The following KIF1C variants were observed in gnomAD, a reference collection of about 807,000 sequenced individuals.
The protein encoded by KIF1C is kinesin-like protein KIF1C.
In KIF1C, 61 loss-of-function variants were observed where a neutral mutation model predicts 126.5. The ratio of observed to expected loss-of-function variants is 0.48; its 90% CI spans 0.39 to 0.60. The LOEUF is 0.60. Among genes scored for constraint, KIF1C ranks in the 20% least tolerant of loss-of-function variants. KIF1C has a pLI of 0.00. For synonymous variants in KIF1C, 640 were observed against 580.6 expected (o/e 1.10, Z -1.47); for missense variants, 1,315 against 1,489.2 (o/e 0.88, Z 1.93).
At chr17:5,010,106 A>G (rs530349805) in intron 16 of KIF1C, among the ~76,000 whole-genome samples, 5 of 152,148 alleles carry the variant, frequency 3.3e-5, no homozygotes, top group African/African-American at 9.6e-5. Flanking sequence ...TTTGTATTTT[A>G]GTAGAGACAG....
intron 13 of KIF1C, among the ~76,000 whole-genome samples, chr17:5,006,659 G>A (rs1974741056): frequency 1.3e-5 from 2 of 152,136 alleles, no homozygotes; most frequent in Admixed American, 6.6e-5. Context: ...TTCTGATGGT[G>A]CAAATCATCT....
intron 16 of KIF1C, 112 bp from the exon 17 acceptor site, chr17:5,013,541 G>C: frequency 1.4e-6 from 1 of 728,086 alleles, no homozygotes; most frequent in South Asian, 1.5e-5. Context: ...GAGTGAGGGG[G>C]CGCAGCTGGC....
intron 11 of KIF1C, 94 bp from the exon 12 acceptor site, chr17:5,004,473 C>G (rs1974678245): frequency 1.7e-6 from 2 of 1,154,834 alleles, no homozygotes; most frequent in Admixed American, 1.7e-5. Context: ...CCTGTAAGAC[C>G]TCTGCCTGGG....
chr17:4,998,797 A>G (rs955648662), intron 1 of KIF1C, among the ~76,000 whole-genome samples: 1 of 152,100 alleles, frequency 6.6e-6, no homozygotes, highest in African/African-American at 2.4e-5. Context: ...CTGGGGCCAC[A>G]GGAGGGGGCT....
rs761602629 is a variant in KIF1C, at chr17:5,023,531, G to A, written c.2692G>A (p.Ala898Thr). The A allele has an allele frequency of 2.5e-6, 4 of 1,613,816 alleles. No homozygotes were observed. In the Admixed American group the frequency reaches 5.0e-5, roughly 20 times the overall value. The change falls in exon 23 of 23, where the codon GCA becomes ACA. Residue 898 changes from alanine to threonine, a missense_variant. By Grantham distance (58) the Ala-to-Thr change is moderately conservative. Coordinates refer to ENST00000320785, the MANE Select transcript of KIF1C (RefSeq NM_006612.6). This position sits in a 1 kb window ranked among gnomAD's most constrained non-coding sequence, Gnocchi z 4.2. Reference protein sequence around the residue: ...VPWAPPEGSEAAEEAAPSDRM... With the variant: ...VPWAPPEGSETAEEAAPSDRM... ...CTGGGCCCCGCCTGAAGGATCAGAGGCAGCAGAGGAGGCAGCCCCCAGTGA... is the reference window on the plus strand; with the variant it reads ...CTGGGCCCCGCCTGAAGGATCAGAGACAGCAGAGGAGGCAGCCCCCAGTGA...
chr17:5,000,938 A>T (rs1974574213), intron 4 of KIF1C, 90 bp downstream of exon 4: 3 of 1,296,696 alleles, frequency 2.3e-6, no homozygotes, highest in South Asian at 1.2e-5. Context: ...TAGGACCCCC[A>T]GGGGATTAGT....
Position 4,998,532 on chromosome 17 carries a change from C to A in KIF1C, c.-149+376C>A, listed in dbSNP as rs376977960. ...CCTGTCCCTACCTCTATTCCCTTACCCCGCTGGCCCCCAGCCGTGCCACCC... is the reference window on the plus strand; with the variant it reads ...CCTGTCCCTACCTCTATTCCCTTACACCGCTGGCCCCCAGCCGTGCCACCC... On this transcript the variant is annotated intron_variant, in intron 1 of 22. Coordinates refer to ENST00000320785, the MANE Select transcript of KIF1C (RefSeq NM_006612.6). 2.8e-4 allele frequency among the ~76,000 whole-genome samples: 43 copies of A among 152,336 alleles called. 1 individual carries two copies. In the East Asian group the frequency reaches 6.4e-3, roughly 23 times the overall value.
At chr17:5,007,190 CAGGG>C in intron 14 of KIF1C, 69 bp from the exon 15 acceptor site, 1 of 1,569,706 alleles carries the variant, frequency 6.4e-7, no homozygotes, top group Non-Finnish European at 8.7e-7. Context: ...AGCATGGCCC[CAGGG>C]TAGGTTGTCC....
Position 5,002,458 on chromosome 17 carries a change from A to T in KIF1C, c.430-6A>T, listed in dbSNP as rs749747498. On this transcript the variant is annotated splice_polypyrimidine_tract_variant and splice_region_variant and intron_variant, in intron 6 of 22. Coordinates refer to ENST00000320785, the MANE Select transcript of KIF1C (RefSeq NM_006612.6). ...TTGTTACTTCTCATTTGCTTCTCCCACTCAGGTGAGCTATATGGAGATCTA... is the reference window on the plus strand; with the variant it reads ...TTGTTACTTCTCATTTGCTTCTCCCTCTCAGGTGAGCTATATGGAGATCTA... 8 of 1,566,996 alleles carry T rather than the reference A, an allele frequency of 5.1e-6. No homozygotes were observed. The highest frequency in any genetic ancestry group is 6.9e-6 in the Non-Finnish European group (8 of 1,153,396).
Position 5,005,466 on chromosome 17 carries a change from A to C in KIF1C, c.1165+466A>C, listed in dbSNP as rs560602643. Among the ~76,000 whole-genome samples the C allele has an allele frequency of 8.5e-5, 13 of 152,288 alleles. No homozygotes were observed. The South Asian group carries it at 2.7e-3, about 32-fold the overall frequency. On this transcript the variant is annotated intron_variant, in intron 13 of 22. Coordinates refer to ENST00000320785, the MANE Select transcript of KIF1C (RefSeq NM_006612.6). The stretch of plus-strand genomic sequence containing the variant: ...GTCCAAATCAGAGGATGTGTAATCC[A>C]TGTTGACGGTCAGGAATGGACCCTG...
intron 11 of KIF1C, among the ~76,000 whole-genome samples, chr17:5,004,290 C>A (rs895011661): frequency 5.3e-5 from 8 of 152,208 alleles, no homozygotes; most frequent in African/African-American, 1.9e-4. Flanking sequence ...CCTGGCTACT[C>A]ATGACCCCTC....
At chr17:5,002,201 G>A (rs1974612052) in intron 6 of KIF1C, 77 bp downstream of exon 6, 2 of 1,345,170 alleles carry the variant, frequency 1.5e-6, no homozygotes, top group South Asian at 1.2e-5. Flanking sequence ...GACAGCCTGG[G>A]ATCTAATCCT....
intron 1 of KIF1C, 118 bp downstream of exon 1, chr17:4,998,274 T>G (rs1033371311): frequency 6.6e-6 from 1 of 151,506 alleles, no homozygotes; most frequent in African/African-American, 2.4e-5. Flanking sequence ...TCATGTGCTG[T>G]TTGTTCCGCG....
In KIF1C at chr17:5,000,554, A is replaced by G. The variant is rs532502821; in HGVS notation, c.106+202A>G. 2.0e-5 allele frequency among the ~76,000 whole-genome samples: 3 copies of G among 150,886 alleles called. No individual in the cohort carries two copies. The South Asian group carries it at 6.3e-4, about 32-fold the overall frequency. ...GGGGAATGTTGGCCTGGAGCCCTCC[A>G]TTGCCCAATCCAGGGAGGCAGCTCA... On this transcript the variant is annotated intron_variant, in intron 3 of 22. Transcript: ENST00000320785.
chr17:5,013,629 G>T (rs749157161), intron 16 of KIF1C, 24 bp from the exon 17 acceptor site: 15 of 1,597,548 alleles, frequency 9.4e-6, no homozygotes, highest in Admixed American at 1.7e-5. Context: ...GGCTCCCCCT[G>T]ACCACCTTTC....
At chr17:5,016,546 C>T (rs905078324) in intron 18 of KIF1C, among the ~76,000 whole-genome samples, 2 of 151,818 alleles carry the variant, frequency 1.3e-5, no homozygotes, top group African/African-American at 2.4e-5. Context: ...CCACCGCACC[C>T]GGCCAGCACA....
At chr17:5,009,832 G>A (rs1974821806) in intron 16 of KIF1C, among the ~76,000 whole-genome samples, 1 of 151,868 alleles carries the variant, frequency 6.6e-6, no homozygotes, top group South Asian at 2.1e-4. Flanking sequence ...TGCTGTCTAG[G>A]AGATGTTATA....
In KIF1C at chr17:5,001,267, A is replaced by G. The variant is rs1974584015; in HGVS notation, c.229A>G (p.Ile77Val). The change falls in exon 5 of 23, where the codon ATT becomes GTT. Residue 77 changes from isoleucine to valine, a missense_variant. Physicochemically the swap from Ile to Val is conservative, Grantham distance 29. Around this residue, in one of 2 missense-constraint regions of KIF1C, gnomAD observed 874 missense variants for 1,053.2 expected, o/e 0.83. Transcript: ENST00000320785. ...ATCTCAGCAGCAAGTGTATCGGGAC[A>G]TTGGAGAAGAGATGCTGCTCCACGC... ...FASQQQVYRDIGEEMLLHAFE... is the reference protein window; with the variant it reads ...FASQQQVYRDVGEEMLLHAFE... The G allele has an allele frequency of 1.2e-6, 2 of 1,613,994 alleles. No homozygotes were observed. The highest frequency in any genetic ancestry group is 2.2e-5 in the East Asian group (1 of 44,898).
intron 11 of KIF1C, 73 bp downstream of exon 11, chr17:5,004,146 C>A: frequency 9.2e-7 from 1 of 1,086,318 alleles, no homozygotes; most frequent in Non-Finnish European, 1.4e-6. Context: ...CTGACAAATC[C>A]CCTTGCTATG....
Sources: allele counts gnomAD v4.1 joint callset (sites outside exome capture counted in the v4.1 genomes callset), GRCh38; gene constraint gnomAD v4.1.1; regional missense constraint gnomAD v4.1.1; non-coding constraint Gnocchi (gnomAD v3.1); transcripts MANE v1.5; gene names NCBI Gene and HGNC (gene_info 2026-07-23, HGNC 2026-07-21).